The following PDE6B variants were observed in gnomAD, a reference collection of about 807,000 sequenced individuals.
PDE6B encodes the protein phosphodiesterase 6B.
Under a neutral mutation model 109.0 loss-of-function variants are expected in PDE6B, and 106 were observed. The ratio of observed to expected loss-of-function variants is 0.97; its 90% CI spans 0.83 to 1.14. PDE6B has a LOEUF of 1.14. Among genes scored for constraint, PDE6B ranks in the 50% most tolerant of loss-of-function variants. PDE6B has a pLI of 0.00. For synonymous variants in PDE6B, 490 were observed against 471.3 expected, an observed-to-expected ratio of 1.04 and a Z score of -0.51; for missense variants, 1,193 against 1,155.6, an observed-to-expected ratio of 1.03 and a Z score of -0.47.
chr4:635,930 C>T lies in PDE6B; in HGVS notation c.672C>T (p.His224=). The T allele has an allele frequency of 2.5e-6, 4 of 1,609,746 alleles. No individual in the cohort carries two copies. The highest frequency in any genetic ancestry group is 3.4e-6 in the Non-Finnish European group (4 of 1,175,960). ...NFATLYLKIY[H]LSYLHNCETR... is the part of the protein sequence containing the mutation. ...CCACGTTGTACCTGAAGATCTATCA[C>T]CTGAGCTACCTCCACAACTGCGAGA... Residue 224 remains histidine, a synonymous_variant, in exon 3 of 22, where the codon CAC becomes CAT. Coordinates refer to ENST00000496514, the MANE Select transcript of PDE6B (RefSeq NM_000283.4).
rs756300513 is a variant in PDE6B at position 667,864 on chromosome 4, T to C, written c.2361T>C (p.Ser787=). The C allele has an allele frequency of 1.5e-5, 25 of 1,613,068 alleles. No homozygotes were observed. The South Asian group carries it at 2.6e-4, about 17-fold the overall frequency. ...TTCTCGACTCCCCTCAGGAGTTCTC[T>C]CGTTTCCACGAAGAGATCCTGCCCA... ...FVCTFVYKEF[S]RFHEEILPMF... Residue 787 remains serine (S), a synonymous_variant, in exon 21 of 22, where the codon TCT becomes TCC. Coordinates refer to ENST00000496514, the MANE Select transcript of PDE6B (RefSeq NM_000283.4).
At chr4:667,265 A>G (rs558174585) in intron 20 of PDE6B, among the ~76,000 whole-genome samples, 8 of 151,814 alleles carry the variant, frequency 5.3e-5, no homozygotes, top group African/African-American at 1.4e-4. Flanking sequence ...CGGGTTCCAC[A>G]TGAAGTTGTC....
Position 653,955 on chromosome 4 carries a change from G to A in PDE6B, c.815G>A (p.Arg272Gln), listed in dbSNP as rs760089278. Reference protein sequence around the residue: ...YTVRAYLNCERYSVGLLDMTK... With the variant: ...YTVRAYLNCEQYSVGLLDMTK... ...GTGCGGGCCTACCTCAACTGCGAGC[G>A]GTACTCCGTGGGCCTCCTGGACATG... Residue 272 changes from arginine (R) to glutamine (Q), a missense_variant, in exon 4 of 22, where the codon CGG (arginine) becomes CAG (glutamine). Arg to Gln is a conservative substitution (Grantham distance 43). Transcript: ENST00000496514. 1.9e-5 allele frequency: 31 copies of A among 1,613,766 alleles called. No homozygotes were observed. The East Asian group carries it at 5.1e-4, about 27-fold the overall frequency.
chr4:654,549 G>A (rs1421557624), intron 5 of PDE6B: 39 of 600,508 alleles, frequency 6.5e-5, no homozygotes, highest in Non-Finnish European at 1.0e-4. Flanking sequence ...TGTAAACCGC[G>A]GCGTGTGATG....
rs35535457 is a variant in PDE6B, at chr4:633,733, T to C, written c.469-944T>C. Among the ~76,000 whole-genome samples the C allele has an allele frequency of 0.029, 4,434 of 152,234 alleles. 66 individuals carry two copies. Among genetic ancestry groups the C allele is most frequent in the Middle Eastern group, 0.041 (12 of 294 alleles). ...AAGTCCTGACCCCAGCAGGGCTGACTCCGGAGCCGTCCACCTGGGTCACTG... is the reference window on the plus strand; with the variant it reads ...AAGTCCTGACCCCAGCAGGGCTGACCCCGGAGCCGTCCACCTGGGTCACTG... On this transcript the variant is annotated intron_variant, in intron 1 of 21. Coordinates refer to ENST00000496514, the MANE Select transcript of PDE6B (RefSeq NM_000283.4). This position sits in a 1 kb window ranked among gnomAD's most constrained non-coding sequence, Gnocchi z 4.5.
At chr4:644,774 C>A (rs1308704979) in intron 3 of PDE6B, among the ~76,000 whole-genome samples, 1 of 152,032 alleles carries the variant, frequency 6.6e-6, no homozygotes, top group Non-Finnish European at 1.5e-5. Flanking sequence ...AGATGATCCG[C>A]CCACCTCGGC....
At position 626,199 on chromosome 4, in the gene PDE6B, T is replaced by C. The variant is rs1009799297; in HGVS notation, c.468+105T>C. 1.4e-6 allele frequency: 1 copy of C among 734,134 alleles called. No individual in the cohort carries two copies. The highest frequency in any genetic ancestry group is 2.4e-6 in the Non-Finnish European group (1 of 420,274). The allele number at this position is 734,134 out of a possible 1,614,324, so 45.5% of individuals were successfully genotyped here. ...TCCTCAGGCCTCCAGGGAGGCCTCT[T>C]GTCAGGGCACAGGCTAGTTCTGTGC... On this transcript the variant is annotated intron_variant, in intron 1 of 21. Transcript: ENST00000496514. This position sits in a 1 kb window ranked among gnomAD's most constrained non-coding sequence, Gnocchi z 4.6.
chr4:632,688 G>C (rs1019321433), intron 1 of PDE6B, among the ~76,000 whole-genome samples: 3 of 151,302 alleles, frequency 2.0e-5, no homozygotes, highest in African/African-American at 7.3e-5. Flanking sequence ...GATCTGTGTG[G>C]TGCTGTCTCA....
At chr4:627,971 G>T (rs1036720207) in intron 1 of PDE6B, among the ~76,000 whole-genome samples, 1 of 151,930 alleles carries the variant, frequency 6.6e-6, no homozygotes, top group East Asian at 1.9e-4. Flanking sequence ...TCTAGGTCCT[G>T]CCACCCCCAC....
At position 625,976 on chromosome 4, in the gene PDE6B, G is replaced by A. The variant is rs1463082566; in HGVS notation, c.350G>A (p.Ser117Asn). The change falls in exon 1 of 22, where the codon AGC becomes AAC. Residue 117 changes from serine to asparagine, a missense_variant. Transcript: ENST00000496514. This position sits in a 1 kb window ranked among gnomAD's most constrained non-coding sequence, Gnocchi z 5.0. ...AGGCTTTTCAGCGTGCAGCCGGACAGCGTCCTGGAGGACTGCCTGGTGCCC... is the reference window on the plus strand; with the variant it reads ...AGGCTTTTCAGCGTGCAGCCGGACAACGTCCTGGAGGACTGCCTGGTGCCC... ...ATRLFSVQPDSVLEDCLVPPD... is the reference protein window; with the variant it reads ...ATRLFSVQPDNVLEDCLVPPD... 1.1e-5 allele frequency: 18 copies of A among 1,583,140 alleles called. No individual in the cohort carries two copies. Among genetic ancestry groups the A allele is most frequent in the Non-Finnish European group, 1.5e-5 (18 of 1,164,700 alleles).
At position 657,479 on chromosome 4, in the gene PDE6B, G is replaced by C. The variant is rs369946269; in HGVS notation, c.1386G>C (p.Glu462Asp). 3 of 1,613,254 alleles carry C rather than the reference G, an allele frequency of 1.9e-6. No homozygotes were observed. The highest frequency in any genetic ancestry group is 2.5e-6 in the Non-Finnish European group (3 of 1,179,860). Residue 462 changes from glutamate (E) to aspartate (D), a missense_variant, in exon 10 of 22, where the codon GAG becomes GAC. Glu to Asp is a conservative substitution (Grantham distance 45). Coordinates refer to ENST00000496514, the MANE Select transcript of PDE6B (RefSeq NM_000283.4). ...VLYHVKCDRD[E>D]IQLILPTRAR... is the part of the protein sequence containing the mutation. ...ACCACGTGAAGTGCGACAGGGACGA[G>C]ATCCAGCTCATCCTGGTGCGGCGGG...
chr4:654,217 C>T, intron 5 of PDE6B, 63 bp downstream of exon 5: 2 of 1,437,030 alleles, frequency 1.4e-6, no homozygotes, highest in South Asian at 2.3e-5. Flanking sequence ...ACTCCAACTC[C>T]AGGGCAGGAG....
rs1734095051 is a variant in PDE6B at position 626,200 on chromosome 4, G to GCC, written c.468+106_468+107insCC. The GCC allele has an allele frequency of 1.4e-6, 1 of 733,402 alleles. No individual in the cohort carries two copies. Among genetic ancestry groups the GCC allele is most frequent in the African/African-American group, 1.7e-5 (1 of 57,444 alleles). 45.4% of individuals were successfully genotyped at this position (733,402 alleles called of 1,614,324 possible). The stretch of plus-strand genomic sequence containing the variant: ...CCTCAGGCCTCCAGGGAGGCCTCTT[G>GCC]TCAGGGCACAGGCTAGTTCTGTGCT... On this transcript the variant is annotated intron_variant, in intron 1 of 21. Transcript: ENST00000496514. This position sits in a 1 kb window ranked among gnomAD's most constrained non-coding sequence, Gnocchi z 4.6.
chr4:635,157 G>A (rs878996515), intron 2 of PDE6B, among the ~76,000 whole-genome samples: 29 of 121,302 alleles, frequency 2.4e-4, no homozygotes, highest in African/African-American at 4.3e-4. Flanking sequence ...CTGCCTGCCC[G>A]CGTGTTCTGT....
rs774115889 is a variant in PDE6B, at chr4:663,921, G to A, written c.2021+51G>A. 5.7e-6 allele frequency: 8 copies of A among 1,397,314 alleles called. No individual in the cohort carries two copies. Among genetic ancestry groups the A allele is most frequent in the Non-Finnish European group, 8.0e-6 (8 of 1,005,058 alleles). The allele number at this position is 1,397,314 out of a possible 1,614,324, so 86.6% of individuals were successfully genotyped here. On this transcript the variant is annotated intron_variant, in intron 16 of 21. Transcript: ENST00000496514. The surrounding 1 kb of genome is among the most constrained non-coding windows in gnomAD (Gnocchi z 4.0). Reference sequence around the variant, plus strand: ...CTCGCGGGGCGGGCGGGTAGCCTGGGACCCCCGGCAGACACGGGGGCGCAG... The same window carrying A: ...CTCGCGGGGCGGGCGGGTAGCCTGGAACCCCCGGCAGACACGGGGGCGCAG...
intron 3 of PDE6B, chr4:653,362 G>T (rs1735763458): frequency 1.8e-6 from 2 of 1,090,026 alleles, no homozygotes; most frequent in Non-Finnish European, 2.2e-6. Flanking sequence ...GCAACCAGGG[G>T]CCTGTGCAGC....
At chr4:643,317 A>C (rs1228642466) in intron 3 of PDE6B, among the ~76,000 whole-genome samples, 1 of 147,406 alleles carries the variant, frequency 6.8e-6, no homozygotes, top group Non-Finnish European at 1.5e-5. Context: ...CAAAAAAAGA[A>C]AAAAAAAAAG....
chr4:625,717 A>T lies in PDE6B; in HGVS notation c.91A>T (p.Asn31Tyr). ...CTTTGGGAAGAAACTGAGCCCTGAG[A>T]ATGTGGCCGCGGCCTGCGAGGACGG... The part of the protein sequence containing the change: ...QYFGKKLSPE[N>Y]VAAACEDGCP... The change falls in exon 1 of 22, where the codon AAT (asparagine) becomes TAT (tyrosine). Residue 31 changes from asparagine (N) to tyrosine (Y), a missense_variant. Transcript: ENST00000496514. This position sits in a 1 kb window ranked among gnomAD's most constrained non-coding sequence, Gnocchi z 5.0. 1 of 1,613,732 alleles carries T rather than the reference A, an allele frequency of 6.2e-7. No individual in the cohort carries two copies. Among genetic ancestry groups the T allele is most frequent in the Non-Finnish European group, 8.5e-7 (1 of 1,179,972 alleles).
At chr4:654,767 G>A in intron 5 of PDE6B, 57 bp from the exon 6 acceptor site, 1 of 882,042 alleles carries the variant, frequency 1.1e-6, no homozygotes, top group Non-Finnish European at 2.0e-6. Context: ...GTGTGTGTGT[G>A]TGAGCCCCTC....
Sources: allele counts gnomAD v4.1 joint callset (sites outside exome capture counted in the v4.1 genomes callset), GRCh38; gene constraint gnomAD v4.1.1; non-coding constraint Gnocchi (gnomAD v3.1); transcripts MANE v1.5; gene names NCBI Gene and HGNC (gene_info 2026-07-23, HGNC 2026-07-21).